Variants in NEK10 observed in about 807,000 individuals in gnomAD.
NEK10 encodes the protein NIMA related kinase 10.
Under a neutral mutation model 159.8 loss-of-function variants are expected in NEK10, and 122 were observed. The ratio of observed to expected loss-of-function variants is 0.76; its 90% CI spans 0.66 to 0.89. The LOEUF (loss-of-function observed/expected upper bound fraction) is 0.89, where lower values mean the gene tolerates loss of function less well. Ranked by LOEUF, NEK10 falls within the 40% of genes least tolerant of loss-of-function variation. The pLI is 0.00. For missense variants in NEK10, 1,342 were observed against 1,323.1 expected, an observed-to-expected ratio of 1.01 and a Z score of -0.22; for synonymous variants, 466 against 457.1, an observed-to-expected ratio of 1.02 and a Z score of -0.25.
chr3:27,339,810 A>G (rs192779154), intron 5 of NEK10, among the ~76,000 whole-genome samples: 1 of 150,492 alleles, frequency 6.6e-6, no homozygotes, highest in African/African-American at 2.4e-5. Context: ...ACAATGAGAT[A>G]GCATCTCACG....
intron 7 of NEK10, among the ~76,000 whole-genome samples, chr3:27,312,888 G>A (rs2044818084): frequency 6.6e-6 from 1 of 152,112 alleles, no homozygotes. Flanking sequence ...ATAAAATAAA[G>A]TAGATTTAAT....
At chr3:27,256,967 G>A (rs1445542065) in intron 22 of NEK10, among the ~76,000 whole-genome samples, 3 of 142,136 alleles carry the variant, frequency 2.1e-5, no homozygotes. Context: ...CCAGGTTGGA[G>A]TGCAGTGGTG....
At chr3:27,162,549 G>A (rs936620871) in intron 30 of NEK10, 152 bp downstream of exon 30, 1 of 1,613,974 alleles carries the variant, frequency 6.2e-7, no homozygotes, top group African/African-American at 1.3e-5. Context: ...CCTTAATGTG[G>A]GCCCTGAGCA....
intron 23 of NEK10, among the ~76,000 whole-genome samples, chr3:27,241,864 G>T (rs184537882): frequency 3.9e-5 from 6 of 152,292 alleles, no homozygotes; most frequent in Admixed American, 3.9e-4. Context: ...GGAATCTTGA[G>T]CCTGGACATT....
intron 29 of NEK10, 55 bp from the exon 30 acceptor site, chr3:27,162,793 A>G (rs1209296744): frequency 6.2e-7 from 1 of 1,611,212 alleles, no homozygotes; most frequent in African/African-American, 1.3e-5. Flanking sequence ...GATTTGACAA[A>G]CTAAGAGCCT....
intron 13 of NEK10, among the ~76,000 whole-genome samples, chr3:27,298,578 T>A (rs2043550796): frequency 6.6e-6 from 1 of 152,142 alleles, no homozygotes; most frequent in African/African-American, 2.4e-5. Flanking sequence ...GAAAGTGACT[T>A]TGGAACTGGG....
At chr3:27,161,500 T>C (rs527467457) in intron 30 of NEK10, among the ~76,000 whole-genome samples, 1 of 152,208 alleles carries the variant, frequency 6.6e-6, no homozygotes, top group Non-Finnish European at 1.5e-5. Flanking sequence ...GAAAATAGCA[T>C]TAAACAATAA....
chr3:27,145,141 A>AC (rs1944176730), intron 30 of NEK10, among the ~76,000 whole-genome samples: 1 of 152,058 alleles, frequency 6.6e-6, no homozygotes, highest in Non-Finnish European at 1.5e-5. Flanking sequence ...CACCAAAAAA[A>AC]AAAAGCAGCA....
At chr3:27,293,223 T>A (rs2043127601) in intron 16 of NEK10, among the ~76,000 whole-genome samples, 1 of 152,252 alleles carries the variant, frequency 6.6e-6, no homozygotes, top group South Asian at 2.1e-4. Context: ...AATTACCCGA[T>A]TGACTTTCAA....
intron 23 of NEK10, among the ~76,000 whole-genome samples, chr3:27,253,855 G>A (rs903326668): frequency 6.6e-6 from 1 of 152,064 alleles, no homozygotes; most frequent in African/African-American, 2.4e-5. Context: ...CTAGAATGTC[G>A]GGACCCTAGC....
At chr3:27,364,341 T>G (rs2048896073) in intron 1 of NEK10, among the ~76,000 whole-genome samples, 1 of 141,854 alleles carries the variant, frequency 7.0e-6, no homozygotes, top group African/African-American at 2.6e-5. Flanking sequence ...CCACCATGCC[T>G]GGCTAATTGT....
At chr3:27,339,234 C>A (rs997400425) in intron 5 of NEK10, among the ~76,000 whole-genome samples, 2 of 152,000 alleles carry the variant, frequency 1.3e-5, no homozygotes, top group Non-Finnish European at 2.9e-5. Context: ...AACTACTTTT[C>A]GTGTTTTAAT....
intron 29 of NEK10, among the ~76,000 whole-genome samples, chr3:27,167,254 T>G (rs1415829054): frequency 6.6e-6 from 1 of 152,138 alleles, no homozygotes; most frequent in African/African-American, 2.4e-5. Flanking sequence ...GATAAAGAAT[T>G]TACACTGAGA....
chr3:27,333,670 C>T (rs2046588675), intron 5 of NEK10, among the ~76,000 whole-genome samples: 2 of 152,258 alleles, frequency 1.3e-5, no homozygotes, highest in South Asian at 4.1e-4. Flanking sequence ...CACAAGCAAC[C>T]GTGGGCTACC....
At chr3:27,165,402 T>C (rs1210654521) in intron 29 of NEK10, among the ~76,000 whole-genome samples, 3 of 152,220 alleles carry the variant, frequency 2.0e-5, no homozygotes, top group Admixed American at 6.5e-5. Flanking sequence ...TTGAACCACA[T>C]TGAATGTTTA....
At chr3:27,241,407 A>G (rs1383300433) in intron 23 of NEK10, among the ~76,000 whole-genome samples, 1 of 152,118 alleles carries the variant, frequency 6.6e-6, no homozygotes, top group Non-Finnish European at 1.5e-5. Flanking sequence ...GATTTTCTTT[A>G]ATCTCATGAC....
intron 23 of NEK10, among the ~76,000 whole-genome samples, chr3:27,234,485 C>A (rs1247685818): frequency 6.6e-6 from 1 of 152,018 alleles, no homozygotes; most frequent in East Asian, 1.9e-4. Context: ...AGGCCAATAT[C>A]CAAATCACAA....
At chr3:27,331,262 A>AAAAAAAAAAAAAACAAAAAAAC in intron 5 of NEK10, among the ~76,000 whole-genome samples, 2 of 110,082 alleles carry the variant, frequency 1.8e-5, no homozygotes, top group African/African-American at 2.9e-5. Context: ...AAAAAAAAAA[A>AAAAAAAAAAAAAACAAAAAAAC]ACACACAAAC....
At chr3:27,314,758 C>A (rs572132277) in intron 6 of NEK10, among the ~76,000 whole-genome samples, 25 of 152,280 alleles carry the variant, frequency 1.6e-4, no homozygotes, top group African/African-American at 6.0e-4. Context: ...ACTCCAAGAA[C>A]CCTCCGCTAG....
Sources: allele counts gnomAD v4.1 joint callset (sites outside exome capture counted in the v4.1 genomes callset), GRCh38; gene constraint gnomAD v4.1.1; transcripts MANE v1.5; gene names NCBI Gene and HGNC (gene_info 2026-07-23, HGNC 2026-07-21).